VWF: variants seen among roughly 807,000 people sequenced by gnomAD.
VWF encodes Factor VIII related antigen.
VWF carries 176 observed loss-of-function variants against 308.6 expected under a neutral mutation model. That is an observed-to-expected ratio of 0.57 (90% CI 0.50 to 0.65). The LOEUF (loss-of-function observed/expected upper bound fraction) is 0.65, where lower values mean the gene tolerates loss of function less well. Ranked by LOEUF, VWF falls within the 30% of genes least tolerant of loss-of-function variation. VWF has a pLI of 0.00. For missense variants in VWF, 3,146 were observed against 3,648.2 expected, an observed-to-expected ratio of 0.86 and a Z score of 3.55; for synonymous variants, 1,385 against 1,443.4, an observed-to-expected ratio of 0.96 and a Z score of 0.92.
At chr12:5,988,529 C>G (rs1336112817) in intron 38 of VWF, among the ~76,000 whole-genome samples, 3 of 152,196 alleles carry the variant, frequency 2.0e-5, no homozygotes, top group African/African-American at 7.2e-5. Flanking sequence ...ATAAATCACA[C>G]AATTTTCCAA....
Position 5,983,326 on chromosome 12 carries a change from G to C in VWF, c.6977-72C>G, listed in dbSNP as rs185957991. On this transcript the variant is annotated intron_variant, in intron 40 of 51. Transcript: ENST00000261405. ...CTCTTTTATTACCTGTGAGTGGGAT[G>C]CTACATTCCTATTCATGCAGACTTC... is the stretch of plus-strand genomic sequence containing the variant. The C allele has an allele frequency of 9.1e-4, 1,307 of 1,438,932 alleles. 1 individual carries two copies. Among genetic ancestry groups the C allele is most frequent in the Non-Finnish European group, 1.2e-3 (1,242 of 1,044,872 alleles). 89.1% of individuals were successfully genotyped at this position (1,438,932 alleles called of 1,614,324 possible).
chr12:5,998,346 A>AAATT, intron 34 of VWF, among the ~76,000 whole-genome samples: 1 of 150,860 alleles, frequency 6.6e-6, no homozygotes, highest in South Asian at 2.1e-4. Flanking sequence ...AAAATACAAA[A>AAATT]AATTAGCCAG....
intron 5 of VWF, among the ~76,000 whole-genome samples, chr12:6,102,787 T>C (rs1057258885): frequency 6.6e-6 from 1 of 151,946 alleles, no homozygotes; most frequent in Non-Finnish European, 1.5e-5. Flanking sequence ...TCAGAATTCA[T>C]ATTGTTAAAA....
At position 5,964,274 on chromosome 12, in the gene VWF, G is replaced by GCATACATACATACATACATA. The variant is rs59202475; in HGVS notation, c.7887+3211_7887+3212insTATGTATGTATGTATGTATG. Reference sequence around the variant, plus strand: ...TGCATACATACATACATACATACATGCATACATACATGCATACATACATAC... The same window carrying GCATACATACATACATACATA: ...TGCATACATACATACATACATACATGCATACATACATACATACATACATACATACATGCATACATACATAC... On this transcript the variant is annotated intron_variant, in intron 47 of 51. Transcript: ENST00000261405. 9.3e-3 allele frequency among the ~76,000 whole-genome samples: 1,258 copies of GCATACATACATACATACATA among 134,786 alleles called. 20 individuals are homozygous for GCATACATACATACATACATA. Among genetic ancestry groups the GCATACATACATACATACATA allele is most frequent in the African/African-American group, 0.037 (1,188 of 32,386 alleles). The allele number at this position is 134,786 out of a possible 152,430, so 88.4% of individuals were successfully genotyped here. A position where few individuals can be genotyped will look rare whatever the true frequency, so the allele number is the denominator to read the frequency against.
intron 40 of VWF, among the ~76,000 whole-genome samples, chr12:5,984,275 C>T (rs536866872): frequency 7.9e-4 from 121 of 152,342 alleles, no homozygotes; most frequent in African/African-American, 2.6e-3. Flanking sequence ...CCCTCTAGTT[C>T]TCTCTACTGC....
intron 17 of VWF, among the ~76,000 whole-genome samples, chr12:6,045,540 G>T (rs1191055372): frequency 6.6e-6 from 1 of 152,228 alleles, no homozygotes; most frequent in Non-Finnish European, 1.5e-5. Flanking sequence ...GACACAGAAG[G>T]ATGGAGTGAT....
rs1591890931 is a variant in VWF, at chr12:6,058,095, A to C, written c.1534-51T>G. 2 of 1,599,754 alleles carry C rather than the reference A, an allele frequency of 1.3e-6. No individual in the cohort carries two copies. The highest frequency in any genetic ancestry group is 1.7e-6 in the Non-Finnish European group (2 of 1,171,352). On this transcript the variant is annotated intron_variant, in intron 13 of 51. Coordinates refer to ENST00000261405, the MANE Select transcript of VWF (RefSeq NM_000552.5). The surrounding 1 kb of genome is among the most constrained non-coding windows in gnomAD (Gnocchi z 4.9). The stretch of plus-strand genomic sequence containing the variant: ...GAGCCGCTGCCGCGAAAGCAGCGGC[A>C]TAGTTGTTTAGCTAATGAGATGGTT...
intron 6 of VWF, among the ~76,000 whole-genome samples, chr12:6,093,716 G>A (rs1462919825): frequency 2.0e-5 from 3 of 152,202 alleles, no homozygotes; most frequent in African/African-American, 7.2e-5. Flanking sequence ...ACAGTGGGGA[G>A]GGAATTACCC....
intron 50 of VWF, among the ~76,000 whole-genome samples, chr12:5,950,832 G>A (rs566094878): frequency 5.3e-5 from 8 of 152,204 alleles, no homozygotes; most frequent in South Asian, 4.1e-4. Flanking sequence ...CAAATTCCAC[G>A]TGCAGTGTGC....
chr12:6,055,613 C>T (rs1190059712), intron 15 of VWF, among the ~76,000 whole-genome samples: 4 of 152,138 alleles, frequency 2.6e-5, no homozygotes, highest in Non-Finnish European at 5.9e-5. Context: ...CAACTCAAAA[C>T]ATGAGTTGGC....
intron 18 of VWF, among the ~76,000 whole-genome samples, chr12:6,042,519 G>A (rs528323172): frequency 2.3e-4 from 35 of 152,300 alleles, no homozygotes; most frequent in South Asian, 6.2e-4. Flanking sequence ...GAATCTGGCC[G>A]CAATAATTTG....
chr12:6,101,460 T>C (rs994239464), intron 5 of VWF, among the ~76,000 whole-genome samples: 3 of 146,928 alleles, frequency 2.0e-5, no homozygotes, highest in African/African-American at 7.5e-5. Context: ...GGAAGTAAGG[T>C]AAAGATTAAA....
intron 5 of VWF, among the ~76,000 whole-genome samples, chr12:6,103,924 C>T (rs1042846789): frequency 2.0e-5 from 3 of 152,134 alleles, no homozygotes; most frequent in Non-Finnish European, 4.4e-5. Context: ...AATGAGACTT[C>T]ATTAAACTAA....
rs754738949 is a variant in VWF, at chr12:6,075,512, C to T, written c.697G>A (p.Val233Met). ...EQCQLLKSTS[V>M]FARCHPLVDP... ...ACCAGAGGGTGGCAGCGGGCAAACA[C>T]CGAGGTGCTCTTCAGAAGCTGGCAC... The change falls in exon 7 of 52, where the codon GTG (valine) becomes ATG (methionine). Residue 233 changes from valine (V) to methionine (M), a missense_variant. Val to Met is a conservative substitution (Grantham distance 21, BLOSUM62 1). This residue lies in a region of VWF where 1,304 missense variants were observed against 1,353.0 expected (regional missense o/e 0.96). Transcript: ENST00000261405. The surrounding 1 kb of genome is among the most constrained non-coding windows in gnomAD (Gnocchi z 4.7). 12 of 1,614,072 alleles carry T rather than the reference C, an allele frequency of 7.4e-6. No homozygotes were observed. Among genetic ancestry groups the T allele is most frequent in the Middle Eastern group, 1.6e-4 (1 of 6,084 alleles).
chr12:6,114,089 C>G lies in VWF; in HGVS notation c.221-3121G>C, dbSNP rs557801709. The stretch of plus-strand genomic sequence containing the variant: ...CCTCGGCTTCACTGGGTAACTCAAC[C>G]AATATGTCACCTCCGAGCCAAAGGC... On this transcript the variant is annotated intron_variant, in intron 3 of 51. Coordinates refer to ENST00000261405, the MANE Select transcript of VWF (RefSeq NM_000552.5). 1.4e-4 allele frequency among the ~76,000 whole-genome samples: 22 copies of G among 152,326 alleles called. No individual in the cohort carries two copies. In the South Asian group the frequency reaches 2.1e-3, roughly 14 times the overall value.
At chr12:6,098,311 T>G (rs1189742606) in intron 5 of VWF, among the ~76,000 whole-genome samples, 1 of 152,232 alleles carries the variant, frequency 6.6e-6, no homozygotes, top group Non-Finnish European at 1.5e-5. Context: ...CAACACAGTA[T>G]AGACTTCATT....
intron 47 of VWF, among the ~76,000 whole-genome samples, chr12:5,955,466 T>C (rs543723492): frequency 8.0e-5 from 12 of 150,306 alleles, no homozygotes; most frequent in Non-Finnish European, 1.3e-4. Flanking sequence ...GAACATGCGG[T>C]GTTTGGTTTT....
chr12:6,046,205 CAGAG>C lies in VWF; in HGVS notation c.2281+514_2281+517del, dbSNP rs1262665987. On this transcript the variant is annotated intron_variant, in intron 17 of 51. Transcript: ENST00000261405. The surrounding 1 kb of genome is among the most constrained non-coding windows in gnomAD (Gnocchi z 5.0). Reference sequence around the variant, plus strand: ...CACCACTGCACTCCAACCTGGGTGACAGAGTGAGACTCTCAAAAAAAAAAGACAG... The same window carrying C: ...CACCACTGCACTCCAACCTGGGTGACTGAGACTCTCAAAAAAAAAAGACAG... Among the ~76,000 whole-genome samples the C allele has an allele frequency of 5.3e-5, 8 of 152,080 alleles. No individual in the cohort carries two copies. Among genetic ancestry groups the C allele is most frequent in the Admixed American group, 5.2e-4 (8 of 15,278 alleles).
intron 19 of VWF, 96 bp downstream of exon 19, chr12:6,036,292 G>T (rs990923626): frequency 1.9e-6 from 2 of 1,043,882 alleles, no homozygotes; most frequent in African/African-American, 3.1e-5. Context: ...TTCCCACAGG[G>T]GGCTGGAGGC....
Sources: allele counts gnomAD v4.1 joint callset (sites outside exome capture counted in the v4.1 genomes callset), GRCh38; gene constraint gnomAD v4.1.1; regional missense constraint gnomAD v4.1.1; non-coding constraint Gnocchi (gnomAD v3.1); transcripts MANE v1.5; gene names NCBI Gene and HGNC (gene_info 2026-07-23, HGNC 2026-07-21).